The following ZNF280C variants were observed in gnomAD, a reference collection of about 807,000 sequenced individuals.
The protein encoded by ZNF280C is suppressor of hairy wing homolog 3.
A neutral mutation model predicts 53.6 loss-of-function variants in ZNF280C; 14 were observed. That is an observed-to-expected ratio of 0.26 (90% CI 0.17 to 0.41). ZNF280C has a LOEUF of 0.41. Among genes scored for constraint, ZNF280C ranks in the 10% least tolerant of loss-of-function variants. The probability of loss-of-function intolerance (pLI) is 1.00; values close to 1 mark genes in which losing one functional copy is unlikely to be tolerated. For missense variants in ZNF280C, 416 were observed against 547.1 expected (o/e 0.76, Z 2.39); for synonymous variants, 203 against 181.1 (o/e 1.12, Z -0.97).
intron 8 of ZNF280C, 120 bp downstream of exon 8, chrX:130,236,093 GC>G (rs1326176940): frequency 1.8e-5 from 7 of 378,626 alleles, no homozygotes; most frequent in Non-Finnish European, 3.2e-5. Context: ...ACATGGAAAT[GC>G]CAATACGAGG....
chrX:130,248,887 C>T (rs954535376), intron 2 of ZNF280C, among the ~76,000 whole-genome samples: 1 of 112,282 alleles, frequency 8.9e-6, no homozygotes, highest in Non-Finnish European at 1.9e-5. Flanking sequence ...TGGATCTTGC[C>T]TTCCCTGCCC....
Position 130,215,942 on chromosome X carries a change from T to C in ZNF280C, c.1687A>G (p.Ser563Gly). 1 of 1,211,556 alleles carries C rather than the reference T, an allele frequency of 8.3e-7. No homozygotes were observed. The change falls in exon 14 of 19, where the codon AGT becomes GGT. Residue 563 changes from serine to glycine, a missense_variant. This residue lies in a region of ZNF280C where 151 missense variants were observed against 176.9 expected (regional missense o/e 0.85). Coordinates refer to ENST00000370978, the MANE Select transcript of ZNF280C (RefSeq NM_017666.5). ...GTGGATGTAGTTGCATGAAGCTTAC[T>C]TGTCTTAGATCTACTGGCATTAGAT... ...RKSNASRSKT[S>G]KLHATTSTAS...
At chrX:130,243,436 G>T in intron 5 of ZNF280C, 127 bp downstream of exon 5, 1 of 739,192 alleles carries the variant, frequency 1.4e-6, no homozygotes, top group Non-Finnish European at 2.0e-6. Context: ...TGCCTGCCTT[G>T]GCCTCCCAAA....
In ZNF280C at chrX:130,236,600, G is replaced by A. The variant is rs1437124583; in HGVS notation, c.533C>T (p.Thr178Ile). The A allele has an allele frequency of 3.3e-5, 39 of 1,190,288 alleles. No individual in the cohort carries two copies. The highest frequency in any genetic ancestry group is 4.4e-5 in the Non-Finnish European group (39 of 882,260). Reference sequence around the variant, plus strand: ...TGGAGTAACACTGTTTACTTTAGAAGTAGAAGGATGTTTCAACACATATGA... The same window carrying A: ...TGGAGTAACACTGTTTACTTTAGAAATAGAAGGATGTTTCAACACATATGA... ...NTSYVLKHPS[T>I]SKVNSVTPKK... Residue 178 changes from threonine (T) to isoleucine (I), a missense_variant, in exon 7 of 19, where the codon ACT (threonine) becomes ATT (isoleucine). By Grantham distance (89) the Thr-to-Ile change is moderately conservative. Around this residue, in one of 3 missense-constraint regions of ZNF280C, gnomAD observed 193 missense variants for 201.4 expected, o/e 0.96. Coordinates refer to ENST00000370978, the MANE Select transcript of ZNF280C (RefSeq NM_017666.5).
At chrX:130,208,531 C>T (rs1603238969) in intron 16 of ZNF280C, among the ~76,000 whole-genome samples, 1 of 111,253 alleles carries the variant, frequency 9.0e-6, no homozygotes, top group East Asian at 2.8e-4. Context: ...ATTTAAAAAC[C>T]AAGCATACAA....
At chrX:130,241,585 G>A (rs1224682173) in intron 5 of ZNF280C, among the ~76,000 whole-genome samples, 1 of 111,469 alleles carries the variant, frequency 9.0e-6, no homozygotes, top group East Asian at 2.8e-4. Flanking sequence ...CACAGTGAGA[G>A]CCCCATCTCT....
intron 16 of ZNF280C, among the ~76,000 whole-genome samples, chrX:130,206,914 T>G (rs1052332022): frequency 8.0e-5 from 9 of 112,451 alleles, no homozygotes; most frequent in Admixed American, 1.9e-4. Context: ...ACTTACTCTA[T>G]GCCAGTCTGA....
intron 2 of ZNF280C, among the ~76,000 whole-genome samples, chrX:130,247,486 C>A (rs774346529): frequency 8.9e-6 from 1 of 111,734 alleles, no homozygotes; most frequent in East Asian, 2.8e-4. Context: ...CTCCCCCACC[C>A]TGAGCGGCCA....
At chrX:130,251,803 A>G (rs1168197391) in intron 2 of ZNF280C, among the ~76,000 whole-genome samples, 6 of 104,966 alleles carry the variant, frequency 5.7e-5, no homozygotes, top group African/African-American at 1.8e-4. Context: ...AAAAAAAAAA[A>G]CAAAAACAAA....
chrX:130,244,349 T>C (rs2032426161), intron 3 of ZNF280C, among the ~76,000 whole-genome samples: 1 of 112,137 alleles, frequency 8.9e-6, no homozygotes, highest in Admixed American at 9.5e-5. Context: ...CCGTAACTTC[T>C]AGGTTACTGA....
intron 1 of ZNF280C, among the ~76,000 whole-genome samples, chrX:130,266,981 AC>A (rs1003740479): frequency 6.3e-5 from 7 of 110,249 alleles, no homozygotes; most frequent in African/African-American, 2.3e-4. Flanking sequence ...AGGGCCTGTA[AC>A]CCCAGCTGCT....
intron 1 of ZNF280C, 60 bp from the exon 2 acceptor site, chrX:130,260,525 T>C (rs917979389): frequency 1.1e-4 from 101 of 934,341 alleles, no homozygotes; most frequent in Middle Eastern, 3.1e-4. Context: ...ACACCAAGTA[T>C]TGAAACATGA....
chrX:130,235,407 G>A (rs1445939622), intron 8 of ZNF280C, among the ~76,000 whole-genome samples: 1 of 111,608 alleles, frequency 9.0e-6, no homozygotes, highest in Non-Finnish European at 1.9e-5. Context: ...CCAGCTACGC[G>A]GGAGGCTGAG....
intron 3 of ZNF280C, among the ~76,000 whole-genome samples, chrX:130,246,298 T>G (rs1048454633): frequency 9.0e-6 from 1 of 111,669 alleles, no homozygotes; most frequent in African/African-American, 3.3e-5. Context: ...GGAAGATGGG[T>G]GTAGCCAAAG....
At chrX:130,230,845 TAGAA>T (rs2032269605) in intron 8 of ZNF280C, 118 bp from the exon 9 acceptor site, 2 of 446,303 alleles carry the variant, frequency 4.5e-6, no homozygotes, top group East Asian at 4.0e-5. Flanking sequence ...GCAATGTATC[TAGAA>T]AGATACTGAC....
At position 130,203,730 on chromosome X, in the gene ZNF280C, T is replaced by C. The variant is rs915137378; in HGVS notation, c.*1247A>G. The C allele has an allele frequency of 8.9e-6, 1 of 112,382 alleles. No individual in the cohort carries two copies. Among genetic ancestry groups the C allele is most frequent in the Non-Finnish European group, 1.9e-5 (1 of 53,317 alleles). The allele number at this position is 112,382 out of a possible 1,213,427, so 9.3% of individuals were successfully genotyped here. ...ATTCCTAGAATATTGGATAAAACTT[T>C]AAATGAAAACATGAATAACTGACTT... is the stretch of plus-strand genomic sequence containing the variant. On this transcript the variant is annotated 3_prime_UTR_variant, in exon 19 of 19. Coordinates refer to ENST00000370978, the MANE Select transcript of ZNF280C (RefSeq NM_017666.5).
At chrX:130,266,891 A>G (rs755780695) in intron 1 of ZNF280C, among the ~76,000 whole-genome samples, 3 of 111,436 alleles carry the variant, frequency 2.7e-5, no homozygotes, top group Non-Finnish European at 3.8e-5. Flanking sequence ...TCACGAGGTC[A>G]GGCGTTCCAG....
intron 1 of ZNF280C, among the ~76,000 whole-genome samples, chrX:130,265,541 A>T (rs1416968178): frequency 8.9e-6 from 1 of 112,202 alleles, no homozygotes; most frequent in Non-Finnish European, 1.9e-5. Flanking sequence ...TGTATTATTA[A>T]TCAATTTGCT....
chrX:130,255,141 CTTTTT>C (rs754125713), intron 2 of ZNF280C, among the ~76,000 whole-genome samples: 1 of 91,186 alleles, frequency 1.1e-5, no homozygotes, highest in Non-Finnish European at 2.2e-5. Context: ...CTTTTTTTTT[CTTTTT>C]TTTTTTTTTT....
Sources: gnomAD v4.1 joint callset for allele counts (sites outside exome capture counted in the v4.1 genomes callset) on GRCh38, gnomAD v4.1.1 for gene constraint, gnomAD v4.1.1 regional missense constraint, MANE v1.5 for transcripts, NCBI Gene and HGNC (gene_info 2026-07-23, HGNC 2026-07-21) for gene names.